ATP8A1: variants seen among roughly 807,000 people sequenced by gnomAD.
ATP8A1 encodes the protein phospholipid-transporting ATPase IA.
In ATP8A1, 90 loss-of-function variants were observed where a neutral mutation model predicts 177.7. The observed-to-expected ratio is 0.51, with a 90% CI of 0.43 to 0.60. The LOEUF is 0.60. Ranked by LOEUF, ATP8A1 falls within the 20% of genes least tolerant of loss-of-function variation. ATP8A1 has a pLI of 0.00. For synonymous variants in ATP8A1, 493 were observed against 485.9 expected (o/e 1.01, Z -0.19); for missense variants, 1,072 against 1,392.8 (o/e 0.77, Z 3.67).
Position 42,412,276 on chromosome 4 carries a change from C to G in ATP8A1, c.*640G>C, listed in dbSNP as rs1712706691. The G allele has an allele frequency of 6.6e-6, 1 of 152,192 alleles. No homozygotes were observed. The highest frequency in any genetic ancestry group is 2.1e-4 in the South Asian group (1 of 4,834). 9.4% of individuals were successfully genotyped at this position (152,192 alleles called of 1,614,324 possible). On this transcript the variant is annotated 3_prime_UTR_variant, in exon 37 of 37. Transcript: ENST00000381668. ...TATTCATTTTTGTAAATCACTCTTACATTTGGAAAGTCAGGCATGCAGATC... is the reference window on the plus strand; with the variant it reads ...TATTCATTTTTGTAAATCACTCTTAGATTTGGAAAGTCAGGCATGCAGATC...
intron 24 of ATP8A1, among the ~76,000 whole-genome samples, chr4:42,494,390 G>C (rs766998227): frequency 1.3e-5 from 2 of 152,032 alleles, no homozygotes; most frequent in Non-Finnish European, 2.9e-5. Flanking sequence ...CACGAGAATC[G>C]CTTGAACCTG....
intron 31 of ATP8A1, among the ~76,000 whole-genome samples, chr4:42,445,395 T>A (rs112695859): frequency 0.026 from 4,005 of 152,334 alleles, 69 homozygotes; most frequent in South Asian, 0.087. Flanking sequence ...TTACCAATCT[T>A]ACAGAGATTT....
At chr4:42,526,529 A>C (rs1392846314) in intron 20 of ATP8A1, among the ~76,000 whole-genome samples, 1 of 152,090 alleles carries the variant, frequency 6.6e-6, no homozygotes, top group Non-Finnish European at 1.5e-5. Context: ...AGGTAGAAAA[A>C]TGTGAAATGG....
At chr4:42,458,960 T>C (rs532640272) in intron 27 of ATP8A1, among the ~76,000 whole-genome samples, 2 of 152,316 alleles carry the variant, frequency 1.3e-5, no homozygotes, top group East Asian at 1.9e-4. Context: ...ACTAGAGACA[T>C]TCAATGATGT....
At chr4:42,422,609 G>A (rs1714105642) in intron 35 of ATP8A1, among the ~76,000 whole-genome samples, 198 bp downstream of exon 35, 1 of 152,174 alleles carries the variant, frequency 6.6e-6, no homozygotes. Flanking sequence ...TTGAGGCTCA[G>A]TAGGATTAAG....
chr4:42,543,192 T>C (rs1338076045), intron 20 of ATP8A1, among the ~76,000 whole-genome samples: 1 of 152,220 alleles, frequency 6.6e-6, no homozygotes, highest in African/African-American at 2.4e-5. Context: ...AATAATAGGC[T>C]TGAGCTTCTT....
At chr4:42,569,867 A>G (rs1226340130) in intron 14 of ATP8A1, among the ~76,000 whole-genome samples, 1 of 152,338 alleles carries the variant, frequency 6.6e-6, no homozygotes, top group East Asian at 1.9e-4. Context: ...GAACACTAGG[A>G]AAGTCTGATA....
At chr4:42,471,163 T>C (rs1300196568) in intron 25 of ATP8A1, among the ~76,000 whole-genome samples, 1 of 152,202 alleles carries the variant, frequency 6.6e-6, no homozygotes, top group East Asian at 1.9e-4. Flanking sequence ...GCAGCTTACA[T>C]AGCAAGTCTT....
intron 35 of ATP8A1, among the ~76,000 whole-genome samples, chr4:42,421,980 G>GT (rs1713998632): frequency 6.6e-6 from 1 of 151,868 alleles, no homozygotes. Flanking sequence ...CTTGGGATAG[G>GT]TAATTCACTT....
At position 42,510,278 on chromosome 4, in the gene ATP8A1, G is replaced by A. The variant is rs530073426; in HGVS notation, c.1948-3124C>T. Among the ~76,000 whole-genome samples the A allele has an allele frequency of 6.6e-5, 10 of 152,258 alleles. No homozygotes were observed. In the East Asian group the frequency reaches 7.7e-4, roughly 12 times the overall value. ...ATTATTTTATTTCCTTTAATGGGAA[G>A]CAGATTTGAAATCTACCATAACCTG... On this transcript the variant is annotated intron_variant, in intron 22 of 36. Transcript: ENST00000381668.
chr4:42,460,147 A>T (rs918179128), intron 27 of ATP8A1, among the ~76,000 whole-genome samples: 12 of 152,074 alleles, frequency 7.9e-5, no homozygotes, highest in African/African-American at 2.4e-4. Flanking sequence ...ATTACACCAA[A>T]CTGCCTGTAC....
chr4:42,546,124 C>T (rs752460689), intron 19 of ATP8A1, among the ~76,000 whole-genome samples: 3 of 152,042 alleles, frequency 2.0e-5, no homozygotes, highest in Non-Finnish European at 4.4e-5. Flanking sequence ...TGTGAACCTC[C>T]TCTCATCTCA....
At chr4:42,433,396 C>T (rs180804596) in intron 33 of ATP8A1, among the ~76,000 whole-genome samples, 61 of 152,258 alleles carry the variant, frequency 4.0e-4, no homozygotes, top group African/African-American at 1.3e-3. Flanking sequence ...CTTTTTGAAA[C>T]TTTTGATCCA....
At position 42,586,492 on chromosome 4, in the gene ATP8A1, A is replaced by C; in HGVS notation, c.595-16T>G. The C allele has an allele frequency of 6.2e-7, 1 of 1,611,316 alleles. No individual in the cohort carries two copies. Among genetic ancestry groups the C allele is most frequent in the Non-Finnish European group, 8.5e-7 (1 of 1,178,464 alleles). On this transcript the variant is annotated splice_polypyrimidine_tract_variant and intron_variant, in intron 8 of 36. Transcript: ENST00000381668. ...CTGGTAAGCCCTGTTTGGAATTTTT[A>C]AATAAGCAAAAAGTATATTAAATAA...
At chr4:42,644,937 T>C (rs895268772) in intron 1 of ATP8A1, among the ~76,000 whole-genome samples, 23 of 150,822 alleles carry the variant, frequency 1.5e-4, no homozygotes, top group Admixed American at 2.0e-4. Flanking sequence ...TACCAAGTCA[T>C]TATGCTATTT....
chr4:42,454,643 A>G (rs1291688995), intron 29 of ATP8A1, among the ~76,000 whole-genome samples: 6 of 152,156 alleles, frequency 3.9e-5, no homozygotes, highest in Non-Finnish European at 4.4e-5. Flanking sequence ...GCAGGAAAGT[A>G]AACTATATAG....
intron 24 of ATP8A1, among the ~76,000 whole-genome samples, chr4:42,500,209 A>G (rs1723717019): frequency 6.6e-6 from 1 of 152,172 alleles, no homozygotes; most frequent in African/African-American, 2.4e-5. Context: ...TACTAAAAAT[A>G]CAAAAATTAG....
chr4:42,459,948 C>A (rs555344281), intron 27 of ATP8A1, among the ~76,000 whole-genome samples: 1 of 151,876 alleles, frequency 6.6e-6, no homozygotes, highest in African/African-American at 2.4e-5. Context: ...CCTGCCACCA[C>A]GCCTGGCTAA....
At chr4:42,523,758 C>A (rs529936071) in intron 21 of ATP8A1, among the ~76,000 whole-genome samples, 1 of 152,290 alleles carries the variant, frequency 6.6e-6, no homozygotes, top group East Asian at 1.9e-4. Flanking sequence ...GGGTAGGTTG[C>A]ACCTGCCAAG....
Sources: gnomAD v4.1 joint callset for allele counts (sites outside exome capture counted in the v4.1 genomes callset) on GRCh38, gnomAD v4.1.1 for gene constraint, MANE v1.5 for transcripts, NCBI Gene and HGNC (gene_info 2026-07-23, HGNC 2026-07-21) for gene names.